Variants in BBOF1 observed in about 807,000 individuals in gnomAD.
The protein encoded by BBOF1 is basal body-orientation factor 1.
In BBOF1, 62 loss-of-function variants were observed where a neutral mutation model predicts 68.0. The observed-to-expected ratio is 0.91, with a 90% CI of 0.74 to 1.13. The LOEUF (loss-of-function observed/expected upper bound fraction) is 1.13, where lower values mean the gene tolerates loss of function less well. Ranked by LOEUF, BBOF1 falls within the 50% of genes most tolerant of loss-of-function variation. The probability of loss-of-function intolerance (pLI) is 0.00; values close to 1 mark genes in which losing one functional copy is unlikely to be tolerated. For synonymous variants in BBOF1, 208 were observed against 198.8 expected (o/e 1.05, Z -0.39); for missense variants, 534 against 600.1 (o/e 0.89, Z 1.15).
chr14:74,039,724 C>T (rs1417299929), intron 4 of BBOF1, among the ~76,000 whole-genome samples: 4 of 152,092 alleles, frequency 2.6e-5, no homozygotes, highest in Non-Finnish European at 2.9e-5. Flanking sequence ...AGGCATGAGC[C>T]ACTGTACCCA....
In BBOF1 at chr14:74,019,463, C is replaced by T. The variant is rs2140916258; in HGVS notation, c.-16C>T. 6.2e-7 allele frequency: 1 copy of T among 1,600,540 alleles called. No homozygotes were observed. On this transcript the variant is annotated 5_prime_UTR_variant, in exon 1 of 12. Transcript: ENST00000394009. ...GGCTGGGCAACTACGACAGCGGAGC[C>T]CCTGGGGAAGCCAAGATGCCGTCGA...
chr14:74,025,081 A>G (rs565579250), intron 2 of BBOF1, among the ~76,000 whole-genome samples: 92 of 152,148 alleles, frequency 6.0e-4, no homozygotes, highest in Non-Finnish European at 1.0e-3. Context: ...TTTTATTTTT[A>G]AAATTACTCT....
intron 9 of BBOF1, chr14:74,071,953 T>G (rs1437636936): frequency 6.2e-7 from 1 of 1,614,050 alleles, no homozygotes; most frequent in Non-Finnish European, 8.5e-7. Context: ...TGTTCCAATG[T>G]GATTAACTTG....
downstream of BBOF1, among the ~76,000 whole-genome samples, chr14:74,070,139 C>T (rs78889821): frequency 0.01 from 1,577 of 152,226 alleles, 12 homozygotes; most frequent in Middle Eastern, 0.027. Context: ...CTGCACCCAG[C>T]CTTAATCTAA....
rs754371199 is a variant in BBOF1 at position 74,071,168 on chromosome 14, A to G, written n.1380-7028A>G. On this transcript the variant is annotated intron_variant and non_coding_transcript_variant, in intron 9 of 12. Coordinates refer to the BBOF1 transcript ENST00000492026. ...CCTTGATTTTTTGGTAGCCAGATTA[A>G]GTAGCCATATGCATAAGGGCAGTTA... 2.6e-4 allele frequency: 411 copies of G among 1,600,994 alleles called. 1 individual carries two copies. The highest frequency in any genetic ancestry group is 3.5e-4 in the Non-Finnish European group (405 of 1,168,386).
chr14:74,057,750 A>T, intron 11 of BBOF1: 6 of 1,149,702 alleles, frequency 5.2e-6, no homozygotes, highest in Non-Finnish European at 6.5e-6. Flanking sequence ...AAGCCACATT[A>T]GAACAAAAAG....
chr14:74,022,151 A>C (rs866415623), intron 1 of BBOF1, among the ~76,000 whole-genome samples: 2 of 152,064 alleles, frequency 1.3e-5, no homozygotes, highest in Non-Finnish European at 2.9e-5. Context: ...AGGTGGGAGG[A>C]TACTTGAGCC....
At position 74,075,305 on chromosome 14, in the gene BBOF1, A is replaced by C. The variant is rs192330109; in HGVS notation, n.1380-2891A>C. On this transcript the variant is annotated intron_variant and non_coding_transcript_variant, in intron 9 of 12. Transcript: ENST00000492026. ...GCCTGGCAAATGTACCATAAATCTA[A>C]CAATATGAAAATACTTAGCATGGTA... Among the ~76,000 whole-genome samples the C allele has an allele frequency of 2.0e-5, 3 of 152,308 alleles. No individual in the cohort carries two copies. In the East Asian group the frequency reaches 5.8e-4, roughly 29 times the overall value.
chr14:74,030,798 A>G (rs2059548988), intron 3 of BBOF1, among the ~76,000 whole-genome samples: 1 of 151,564 alleles, frequency 6.6e-6, no homozygotes, highest in African/African-American at 2.4e-5. Context: ...TCTTTTCCAC[A>G]CTGTCTTCTC....
At chr14:74,079,640 G>A (rs1216734126) in intron 10 of BBOF1, among the ~76,000 whole-genome samples, 1 of 151,716 alleles carries the variant, frequency 6.6e-6, no homozygotes, top group East Asian at 1.9e-4. Context: ...CACCATGTTA[G>A]CCAGGATGGT....
At chr14:74,073,970 A>C (rs1002542158) in intron 9 of BBOF1, among the ~76,000 whole-genome samples, 2 of 147,328 alleles carry the variant, frequency 1.4e-5, no homozygotes, top group Non-Finnish European at 3.0e-5. Flanking sequence ...TTTTTCTGAG[A>C]TATAGCTCAC....
intron 8 of BBOF1, among the ~76,000 whole-genome samples, chr14:74,053,156 C>T (rs914539530): frequency 2.6e-5 from 4 of 151,866 alleles, no homozygotes; most frequent in African/African-American, 9.7e-5. Flanking sequence ...CACTCTGTCG[C>T]CAGGCTGGAG....
intron 9 of BBOF1, chr14:74,071,648 A>C: frequency 6.5e-7 from 1 of 1,541,214 alleles, no homozygotes; most frequent in Non-Finnish European, 8.7e-7. Context: ...GGGTTTGTGC[A>C]AAATGAGATT....
At chr14:74,062,730 A>G (rs75646425) in intron 11 of BBOF1, among the ~76,000 whole-genome samples, 10,372 of 152,272 alleles carry the variant, frequency 0.068, 550 homozygotes, top group South Asian at 0.26. Context: ...TCCCATTGTT[A>G]ATTTTTTAAT....
chr14:74,062,861 T>A (rs2060377640), intron 11 of BBOF1, among the ~76,000 whole-genome samples: 2 of 152,196 alleles, frequency 1.3e-5, no homozygotes, highest in South Asian at 4.1e-4. Context: ...AACATGTAAT[T>A]TATTAATGAA....
At chr14:74,025,717 G>A (rs1442425277) in intron 2 of BBOF1, among the ~76,000 whole-genome samples, 1 of 152,094 alleles carries the variant, frequency 6.6e-6, no homozygotes, top group African/African-American at 2.4e-5. Context: ...TATCTCACTT[G>A]TGTCAACAAC....
At position 74,022,903 on chromosome 14, in the gene BBOF1, T is replaced by C. The variant is rs1293311827; in HGVS notation, c.57-13T>C. ...AAATAGTCATATACTGTCAATATCCTCTTCCCATGCAGGAAGTTAATAAAA... is the reference window on the plus strand; with the variant it reads ...AAATAGTCATATACTGTCAATATCCCCTTCCCATGCAGGAAGTTAATAAAA... On this transcript the variant is annotated splice_polypyrimidine_tract_variant and intron_variant, in intron 1 of 11. Coordinates refer to ENST00000394009, the MANE Select transcript of BBOF1 (RefSeq NM_025057.3). 6 of 1,505,852 alleles carry C rather than the reference T, an allele frequency of 4.0e-6. No homozygotes were observed. Among genetic ancestry groups the C allele is most frequent in the South Asian group, 1.2e-5 (1 of 86,956 alleles). The allele number at this position is 1,505,852 out of a possible 1,614,324, so 93.3% of individuals were successfully genotyped here.
At chr14:74,038,058 C>T (rs1402918499) in intron 4 of BBOF1, among the ~76,000 whole-genome samples, 1 of 149,716 alleles carries the variant, frequency 6.7e-6, no homozygotes, top group African/African-American at 2.5e-5. Flanking sequence ...TTTTTATATA[C>T]CTAAAGATAT....
intron 6 of BBOF1, among the ~76,000 whole-genome samples, chr14:74,046,514 A>G (rs1055026239): frequency 6.6e-6 from 1 of 152,212 alleles, no homozygotes; most frequent in African/African-American, 2.4e-5. Context: ...CTGGGATTAC[A>G]GGCACCCACC....
Sources: gnomAD v4.1 joint callset for allele counts (sites outside exome capture counted in the v4.1 genomes callset) on GRCh38, gnomAD v4.1.1 for gene constraint, MANE v1.5 for transcripts, NCBI Gene and HGNC (gene_info 2026-07-23, HGNC 2026-07-21) for gene names.